Variants in CLMP observed in about 807,000 individuals in gnomAD.
CLMP encodes the protein CXADR like cell adhesion molecule, also known as CXADR-like membrane protein.
In CLMP, 27 loss-of-function variants were observed where a neutral mutation model predicts 45.2. The ratio of observed to expected loss-of-function variants is 0.60; its 90% CI spans 0.44 to 0.82. CLMP has a LOEUF of 0.82. Ranked by LOEUF, CLMP falls within the 40% of genes least tolerant of loss-of-function variation. The probability of loss-of-function intolerance (pLI) is 0.00; values close to 1 mark genes in which losing one functional copy is unlikely to be tolerated. For synonymous variants in CLMP, 167 were observed against 171.4 expected (o/e 0.97, Z 0.20); for missense variants, 403 against 448.4 (o/e 0.90, Z 0.91).
intron 1 of CLMP, among the ~76,000 whole-genome samples, chr11:123,115,287 A>T (rs556427872): frequency 3.8e-4 from 58 of 151,890 alleles, no homozygotes; most frequent in African/African-American, 1.4e-3. Flanking sequence ...GGCTCAAGCG[A>T]TCCTCTTTTC....
intron 1 of CLMP, among the ~76,000 whole-genome samples, chr11:123,119,373 A>C (rs1396825171): frequency 2.0e-5 from 3 of 152,004 alleles, no homozygotes; most frequent in African/African-American, 7.2e-5. Context: ...ATTATTCACC[A>C]TGCCCGGCTG....
rs1339381433 is a variant in CLMP, at chr11:123,124,074, T to TG, written c.29-26123_29-26122insC. 3.3e-5 allele frequency among the ~76,000 whole-genome samples: 5 copies of TG among 152,350 alleles called. No individual in the cohort carries two copies. In the South Asian group the frequency reaches 8.3e-4, roughly 25 times the overall value. On this transcript the variant is annotated intron_variant, in intron 1 of 6. Transcript: ENST00000448775. Reference sequence around the variant, plus strand: ...GGGAGAGTTAGGAGAAGGAAACTTCTAGGTAAATATTATTGGAATTGGCCT... The same window carrying TG: ...GGGAGAGTTAGGAGAAGGAAACTTCTGAGGTAAATATTATTGGAATTGGCCT...
At chr11:123,075,650 G>A (rs1280723621) in intron 5 of CLMP, among the ~76,000 whole-genome samples, 8 of 151,994 alleles carry the variant, frequency 5.3e-5, no homozygotes, top group Admixed American at 4.6e-4. Flanking sequence ...TTCTCCCAAA[G>A]TGCTGGGATT....
chr11:123,188,602 C>T (rs1861863970), intron 1 of CLMP, among the ~76,000 whole-genome samples: 1 of 152,180 alleles, frequency 6.6e-6, no homozygotes, highest in South Asian at 2.1e-4. Context: ...CCCATTTTCT[C>T]TTCTCAGTAT....
intron 1 of CLMP, among the ~76,000 whole-genome samples, chr11:123,136,963 G>C (rs1188686274): frequency 6.6e-6 from 1 of 151,930 alleles, no homozygotes; most frequent in Non-Finnish European, 1.5e-5. Flanking sequence ...AGATGTGACA[G>C]GCTGCCAACA....
chr11:123,095,559 C>T (rs555883850), intron 2 of CLMP, among the ~76,000 whole-genome samples: 17 of 152,164 alleles, frequency 1.1e-4, no homozygotes, highest in East Asian at 3.9e-4. Flanking sequence ...TGTGAGCCAC[C>T]GCACCTGGCC....
At chr11:123,107,228 T>C (rs1405277877) in intron 1 of CLMP, among the ~76,000 whole-genome samples, 1 of 149,926 alleles carries the variant, frequency 6.7e-6, no homozygotes, top group Non-Finnish European at 1.5e-5. Flanking sequence ...GCCTGGCTAA[T>C]GAAATTTTTT....
At chr11:123,128,127 A>G (rs895234534) in intron 1 of CLMP, among the ~76,000 whole-genome samples, 1 of 151,954 alleles carries the variant, frequency 6.6e-6, no homozygotes, top group African/African-American at 2.4e-5. Flanking sequence ...TCAATTAATC[A>G]TAGTAATTCC....
chr11:123,178,722 T>C (rs1338319624), intron 1 of CLMP, among the ~76,000 whole-genome samples: 1 of 152,158 alleles, frequency 6.6e-6, no homozygotes, highest in Non-Finnish European at 1.5e-5. Context: ...AAGGACTCTC[T>C]CTATTTAAAG....
At chr11:123,184,013 G>T (rs377638854) in intron 1 of CLMP, among the ~76,000 whole-genome samples, 1 of 152,154 alleles carries the variant, frequency 6.6e-6, no homozygotes, top group East Asian at 1.9e-4. Context: ...AATGAAGGCT[G>T]TCATCTGTCT....
At chr11:123,109,109 C>T (rs1860602395) in intron 1 of CLMP, among the ~76,000 whole-genome samples, 1 of 151,158 alleles carries the variant, frequency 6.6e-6, no homozygotes, top group Non-Finnish European at 1.5e-5. Context: ...GGTTGAGTTG[C>T]CTCCCTTCCC....
intron 1 of CLMP, among the ~76,000 whole-genome samples, chr11:123,192,743 C>A (rs1293024279): frequency 6.6e-6 from 1 of 152,000 alleles, no homozygotes; most frequent in South Asian, 2.1e-4. Flanking sequence ...ACAGTTCAGA[C>A]GATGAACACT....
chr11:123,079,103 T>C (rs1024183609), intron 5 of CLMP, among the ~76,000 whole-genome samples: 1 of 152,160 alleles, frequency 6.6e-6, no homozygotes, highest in Admixed American at 6.6e-5. Context: ...ATCATGATAC[T>C]GGTTACACAG....
At chr11:123,143,889 A>G (rs1046490551) in intron 1 of CLMP, among the ~76,000 whole-genome samples, 1 of 151,696 alleles carries the variant, frequency 6.6e-6, no homozygotes, top group African/African-American at 2.4e-5. Flanking sequence ...GCTCACTGCA[A>G]CCCCTACCTC....
rs1565409145 is a variant in CLMP at position 123,194,916 on chromosome 11, G to A, written c.25C>T (p.Leu9=). The change falls in exon 1 of 7, where the codon CTA becomes TTA. Residue 9 remains leucine (L), a synonymous_variant. Transcript: ENST00000448775. MSLLLLLL[L]VSYYVGTLGT... ...CCGCCCTCCCAGAGGCACTCACCTA[G>A]CAAGAGGAGAAGGAGGAGGGACATC... 6.2e-7 allele frequency: 1 copy of A among 1,613,452 alleles called. No homozygotes were observed. Among genetic ancestry groups the A allele is most frequent in the Non-Finnish European group, 8.5e-7 (1 of 1,179,654 alleles).
intron 5 of CLMP, among the ~76,000 whole-genome samples, chr11:123,080,861 G>A (rs1441972693): frequency 1.3e-5 from 2 of 152,056 alleles, no homozygotes; most frequent in East Asian, 3.9e-4. Context: ...TTAATAAGGG[G>A]GCGCTGGGTG....
At chr11:123,147,067 T>C (rs1170231643) in intron 1 of CLMP, among the ~76,000 whole-genome samples, 1 of 152,228 alleles carries the variant, frequency 6.6e-6, no homozygotes, top group African/African-American at 2.4e-5. Context: ...CACATCTTTG[T>C]GTAAAATGGA....
At chr11:123,140,903 T>C (rs1861145750) in intron 1 of CLMP, among the ~76,000 whole-genome samples, 1 of 152,142 alleles carries the variant, frequency 6.6e-6, no homozygotes, top group Non-Finnish European at 1.5e-5. Flanking sequence ...CCCTCATGAA[T>C]GTCTTGGCTC....
Position 123,073,406 on chromosome 11 carries a change from C to A in CLMP, c.*68G>T, listed in dbSNP as rs1865696308. ...CTGGTTGTGTGGCTGGTGACTTGAGCTCCAATGACGAGAAGAGTCCAAAGA... is the reference window on the plus strand; with the variant it reads ...CTGGTTGTGTGGCTGGTGACTTGAGATCCAATGACGAGAAGAGTCCAAAGA... On this transcript the variant is annotated 3_prime_UTR_variant, in exon 7 of 7. Coordinates refer to ENST00000448775, the MANE Select transcript of CLMP (RefSeq NM_024769.5). The A allele has an allele frequency of 2.6e-6, 4 of 1,510,626 alleles. No individual in the cohort carries two copies. In the Admixed American group the frequency reaches 8.5e-5, roughly 32 times the overall value. The allele number at this position is 1,510,626 out of a possible 1,614,324, so 93.6% of individuals were successfully genotyped here.
Sources: gnomAD v4.1 joint callset for allele counts (sites outside exome capture counted in the v4.1 genomes callset) on GRCh38, gnomAD v4.1.1 for gene constraint, MANE v1.5 for transcripts, NCBI Gene and HGNC (gene_info 2026-07-23, HGNC 2026-07-21) for gene names.